KCNC2: variants seen among roughly 807,000 people sequenced by gnomAD.
KCNC2 encodes voltage-gated potassium channel KCNC2.
KCNC2 carries 21 observed loss-of-function variants against 44.5 expected under a neutral mutation model. The observed-to-expected ratio is 0.47, with a 90% CI of 0.33 to 0.68. The LOEUF (loss-of-function observed/expected upper bound fraction) is 0.68. KCNC2 is among the 30% of genes least tolerant of loss of function. The pLI, the probability that KCNC2 is intolerant of heterozygous loss-of-function variation, is 0.01. For missense variants in KCNC2, 589 were observed against 826.2 expected, an observed-to-expected ratio of 0.71 and a Z score of 3.52; for synonymous variants, 391 against 339.1, an observed-to-expected ratio of 1.15 and a Z score of -1.68.
intron 2 of KCNC2, among the ~76,000 whole-genome samples, chr12:75,165,772 T>C (rs1056724430): frequency 1.3e-5 from 2 of 151,516 alleles, no homozygotes; most frequent in Non-Finnish European, 3.0e-5. Flanking sequence ...TGTTGATATC[T>C]ATGTACATTT....
chr12:75,208,862 CAACT>C (rs374033006), intron 1 of KCNC2, among the ~76,000 whole-genome samples: 1,689 of 152,090 alleles, frequency 0.011, 29 homozygotes, highest in African/African-American at 0.036. Context: ...GGAAAGGAAA[CAACT>C]AACTAAGATC....
intron 2 of KCNC2, among the ~76,000 whole-genome samples, chr12:75,179,758 AAAAAC>A (rs1414048573): frequency 0.047 from 7,145 of 150,950 alleles, 9 homozygotes; most frequent in Middle Eastern, 0.099. Flanking sequence ...TATCTTTTAT[AAAAAC>A]TATAAAAGAT....
intron 2 of KCNC2, among the ~76,000 whole-genome samples, chr12:75,177,421 G>A (rs1288361467): frequency 3.3e-5 from 5 of 151,932 alleles, no homozygotes; most frequent in African/African-American, 9.7e-5. Flanking sequence ...TTGGAATTGT[G>A]TCAGGTAAGA....
At chr12:75,064,702 A>G (rs751455416) in intron 2 of KCNC2, among the ~76,000 whole-genome samples, 12 of 152,074 alleles carry the variant, frequency 7.9e-5, no homozygotes, top group Non-Finnish European at 1.5e-4. Flanking sequence ...AAAGGTTGAC[A>G]TTGAAATGAC....
chr12:75,052,265 T>C (rs764690011), intron 2 of KCNC2, among the ~76,000 whole-genome samples: 1 of 152,120 alleles, frequency 6.6e-6, no homozygotes, highest in Non-Finnish European at 1.5e-5. Context: ...TACTTTTCCA[T>C]GGTCATAAAC....
chr12:75,081,278 A>G (rs992224303), intron 2 of KCNC2, among the ~76,000 whole-genome samples: 2 of 151,990 alleles, frequency 1.3e-5, no homozygotes, highest in African/African-American at 2.4e-5. Flanking sequence ...TACTCAGTTA[A>G]TTTTGTCACA....
intron 2 of KCNC2, among the ~76,000 whole-genome samples, chr12:75,081,741 A>G (rs1477114233): frequency 2.0e-5 from 3 of 152,064 alleles, no homozygotes; most frequent in African/African-American, 7.2e-5. Flanking sequence ...TACCTCAGAA[A>G]AAAAGTCATA....
intron 2 of KCNC2, among the ~76,000 whole-genome samples, chr12:75,105,180 A>G (rs1028476319): frequency 2.6e-5 from 4 of 152,158 alleles, no homozygotes; most frequent in Non-Finnish European, 4.4e-5. Flanking sequence ...TAATCTCCTC[A>G]TTGCAGAGTG....
Position 75,209,480 on chromosome 12 carries a change from C to T in KCNC2, c.-293G>A, listed in dbSNP as rs2031975708. On this transcript the variant is annotated 5_prime_UTR_variant, in exon 1 of 5. Coordinates refer to ENST00000549446, the MANE Select transcript of KCNC2 (RefSeq NM_139137.4). ...ACCTCCGCGCCCAGAGTCACCATCG[C>T]GCAGGGTTGGGCAAACCATGGAGCT... 6.6e-6 allele frequency: 1 copy of T among 152,220 alleles called. No homozygotes were observed. The highest frequency in any genetic ancestry group is 1.5e-5 in the Non-Finnish European group (1 of 68,068). The allele number at this position is 152,220 out of a possible 1,614,324, so 9.4% of individuals were successfully genotyped here.
intron 2 of KCNC2, among the ~76,000 whole-genome samples, chr12:75,161,565 C>A (rs901288149): frequency 6.6e-6 from 1 of 151,666 alleles, no homozygotes; most frequent in South Asian, 2.1e-4. Flanking sequence ...AACTTTATTG[C>A]CATCTTCTCC....
At chr12:75,188,169 C>T (rs957722244) in intron 2 of KCNC2, among the ~76,000 whole-genome samples, 2 of 152,180 alleles carry the variant, frequency 1.3e-5, no homozygotes, top group African/African-American at 2.4e-5. Context: ...CAGTGTGCTA[C>T]TGGATGGCCA....
At chr12:75,151,963 TATTATAC>T (rs1187673295) in intron 2 of KCNC2, among the ~76,000 whole-genome samples, 3 of 146,466 alleles carry the variant, frequency 2.0e-5, no homozygotes, top group Non-Finnish European at 4.5e-5. Context: ...ATATATTATA[TATTATAC>T]ATTTATATAT....
intron 2 of KCNC2, among the ~76,000 whole-genome samples, chr12:75,053,434 G>T (rs1165396882): frequency 6.6e-6 from 1 of 151,958 alleles, no homozygotes; most frequent in African/African-American, 2.4e-5. Context: ...TGGTTTCTAT[G>T]CAAATACTTG....
Position 75,108,811 on chromosome 12 carries a change from G to A in KCNC2, c.688-57494C>T, listed in dbSNP as rs555151634. Among the ~76,000 whole-genome samples the A allele has an allele frequency of 6.6e-5, 10 of 152,184 alleles. No individual in the cohort carries two copies. The South Asian group carries it at 2.1e-3, about 32-fold the overall frequency. On this transcript the variant is annotated intron_variant, in intron 2 of 4. Coordinates refer to ENST00000549446, the MANE Select transcript of KCNC2 (RefSeq NM_139137.4). The stretch of plus-strand genomic sequence containing the variant: ...GAATATTTAAGCATTTTTTCCCTGG[G>A]CAGTTCAGCTGAGATTCAAACTATC...
At chr12:75,051,423 A>G (rs1881161300) in intron 2 of KCNC2, 106 bp from the exon 3 acceptor site, 1 of 678,562 alleles carries the variant, frequency 1.5e-6, no homozygotes, top group African/African-American at 1.8e-5. Flanking sequence ...GAATAACAGC[A>G]TATTTAGAGG....
At chr12:75,137,718 A>G (rs1350234121) in intron 2 of KCNC2, among the ~76,000 whole-genome samples, 1 of 152,222 alleles carries the variant, frequency 6.6e-6, no homozygotes, top group Non-Finnish European at 1.5e-5. Context: ...AAACAAAAAA[A>G]TTATATAAGT....
Position 75,207,175 on chromosome 12 carries a change from T to A in KCNC2, c.687+122A>T. 1 of 1,444,514 alleles carries A rather than the reference T, an allele frequency of 6.9e-7. No homozygotes were observed. The highest frequency in any genetic ancestry group is 9.1e-7 in the Non-Finnish European group (1 of 1,097,932). 89.5% of individuals were successfully genotyped at this position (1,444,514 alleles called of 1,614,324 possible). A position where few individuals can be genotyped will look rare whatever the true frequency, so the allele number is the denominator to read the frequency against. ...AAGGATGAGCCTCTAACTGTATCGC[T>A]AGGAAATCCCGGGTCTCTTCTACCC... On this transcript the variant is annotated intron_variant, in intron 2 of 4. Coordinates refer to ENST00000549446, the MANE Select transcript of KCNC2 (RefSeq NM_139137.4). The surrounding 1 kb of genome is among the most constrained non-coding windows in gnomAD (Gnocchi z 4.1).
intron 2 of KCNC2, among the ~76,000 whole-genome samples, chr12:75,181,004 T>C (rs1892534052): frequency 6.6e-6 from 1 of 152,146 alleles, no homozygotes; most frequent in South Asian, 2.1e-4. Flanking sequence ...TCAAACTATT[T>C]GAACTTCTAA....
At chr12:75,109,422 T>C (rs1887047717) in intron 2 of KCNC2, among the ~76,000 whole-genome samples, 1 of 152,158 alleles carries the variant, frequency 6.6e-6, no homozygotes, top group South Asian at 2.1e-4. Flanking sequence ...CAAAGATAAC[T>C]TTTGCCTCAA....
Sources: gnomAD v4.1 joint callset for allele counts (sites outside exome capture counted in the v4.1 genomes callset) on GRCh38, gnomAD v4.1.1 for gene constraint, Gnocchi (gnomAD v3.1) non-coding constraint, MANE v1.5 for transcripts, NCBI Gene and HGNC (gene_info 2026-07-23, HGNC 2026-07-21) for gene names.